The following PCDH11X variants were observed in gnomAD, a reference collection of about 807,000 sequenced individuals.
The protein encoded by PCDH11X is protocadherin-11 X-linked.
A neutral mutation model predicts 53.3 loss-of-function variants in PCDH11X; 18 were observed. That is an observed-to-expected ratio of 0.34 (90% CI 0.23 to 0.50). PCDH11X has a LOEUF of 0.50. PCDH11X is among the 20% of genes least tolerant of loss of function. The pLI, the probability that PCDH11X is intolerant of heterozygous loss-of-function variation, is 0.98. For missense variants in PCDH11X, 570 were observed against 1,032.4 expected (o/e 0.55, Z 6.14); for synonymous variants, 279 against 393.3 (o/e 0.71, Z 3.44).
chrX:92,149,432 T>A (rs5984154), intron 6 of PCDH11X, among the ~76,000 whole-genome samples: 1 of 48,593 alleles, frequency 2.1e-5, no homozygotes, highest in Non-Finnish European at 3.3e-5. Context: ...TTTCTCTCAC[T>A]CTCTCTCTCT....
chrX:91,944,426 A>G (rs1382978982), intron 6 of PCDH11X, among the ~76,000 whole-genome samples: 1 of 105,612 alleles, frequency 9.5e-6, no homozygotes, highest in East Asian at 3.0e-4. Context: ...CACAATAGGG[A>G]TATTCACACA....
At chrX:92,604,761 T>G (rs1926607000) in intron 10 of PCDH11X, among the ~76,000 whole-genome samples, 1 of 109,125 alleles carries the variant, frequency 9.2e-6, no homozygotes, top group African/African-American at 3.4e-5. Flanking sequence ...ACTATGTAAG[T>G]AAGAATCATG....
intron 7 of PCDH11X, among the ~76,000 whole-genome samples, chrX:92,232,643 A>T (rs2067096862): frequency 8.9e-6 from 1 of 112,307 alleles, no homozygotes; most frequent in South Asian, 3.7e-4. Context: ...ATAAATCTAA[A>T]GATAAAAATA....
At chrX:92,069,607 G>A (rs1442625674) in intron 6 of PCDH11X, among the ~76,000 whole-genome samples, 1 of 110,548 alleles carries the variant, frequency 9.0e-6, no homozygotes, top group African/African-American at 3.3e-5. Flanking sequence ...TTAACTTCTT[G>A]CTTTTTAGTT....
At chrX:91,981,388 A>G (rs2062135316) in intron 6 of PCDH11X, among the ~76,000 whole-genome samples, 1 of 110,438 alleles carries the variant, frequency 9.1e-6, no homozygotes, top group African/African-American at 3.3e-5. Flanking sequence ...ATATTCCACA[A>G]AGATCTATAG....
At chrX:92,428,727 G>T (rs1196183887) in intron 9 of PCDH11X, among the ~76,000 whole-genome samples, 9 of 110,833 alleles carry the variant, frequency 8.1e-5, no homozygotes, top group African/African-American at 3.0e-4. Flanking sequence ...TAGCTTCCTA[G>T]ATGATATACT....
intron 8 of PCDH11X, among the ~76,000 whole-genome samples, chrX:92,275,712 G>T (rs1279665751): frequency 9.0e-6 from 1 of 110,793 alleles, no homozygotes; most frequent in African/African-American, 3.3e-5. Context: ...GGTAAAATGG[G>T]GGAATGGTAA....
chrX:92,337,803 G>A (rs1224045744), intron 8 of PCDH11X, among the ~76,000 whole-genome samples: 1 of 111,095 alleles, frequency 9.0e-6, no homozygotes, highest in East Asian at 2.8e-4. Context: ...TATAAAAGAC[G>A]GGGATTTACT....
intron 8 of PCDH11X, among the ~76,000 whole-genome samples, chrX:92,317,997 A>G (rs1295929158): frequency 9.0e-6 from 1 of 111,131 alleles, no homozygotes; most frequent in Non-Finnish European, 1.9e-5. Flanking sequence ...TAGTAATGTA[A>G]TATCTAAAAA....
At chrX:92,124,279 G>A (rs1056201138) in intron 6 of PCDH11X, among the ~76,000 whole-genome samples, 1 of 110,872 alleles carries the variant, frequency 9.0e-6, no homozygotes. Flanking sequence ...AGGTGTGGTG[G>A]CTCACACTTG....
At chrX:91,922,160 T>G (rs62607766) in intron 6 of PCDH11X, among the ~76,000 whole-genome samples, 19,546 of 111,315 alleles carry the variant, frequency 0.18, 1,262 homozygotes, top group East Asian at 0.24. Context: ...GGTTTTAAAA[T>G]TATAACTCGG....
At chrX:92,043,833 T>C (rs2063244548) in intron 6 of PCDH11X, among the ~76,000 whole-genome samples, 1 of 111,352 alleles carries the variant, frequency 9.0e-6, no homozygotes, top group Non-Finnish European at 1.9e-5. Flanking sequence ...TTCTTGAAGT[T>C]TAAAATAGCA....
chrX:91,928,895 G>T (rs981520326), intron 6 of PCDH11X, among the ~76,000 whole-genome samples: 21 of 110,913 alleles, frequency 1.9e-4, no homozygotes, highest in Non-Finnish European at 3.8e-4. Context: ...TGTGAACAAA[G>T]ATCAAGTAGG....
intron 10 of PCDH11X, among the ~76,000 whole-genome samples, chrX:92,539,917 T>C (rs1205265509): frequency 1.8e-5 from 2 of 111,234 alleles, no homozygotes; most frequent in East Asian, 5.7e-4. Context: ...ACAGTGCCTC[T>C]CTCTGTGTGC....
chrX:92,452,170 C>G lies in PCDH11X; in HGVS notation c.3344-16129C>G, dbSNP rs1466673413. ...TTTATTCATGTAGAAATTCATTTAT[C>G]AAAACCAAATATTTATCAAAAGAAA... On this transcript the variant is annotated intron_variant, in intron 9 of 10. Coordinates refer to ENST00000682573, the MANE Select transcript of PCDH11X (RefSeq NM_032968.5). Among the ~76,000 whole-genome samples, 11 of 105,032 alleles carry G rather than the reference C, an allele frequency of 1.0e-4. No individual in the cohort carries two copies. In the Admixed American group the frequency reaches 1.2e-3, roughly 11 times the overall value. The allele number at this position is 105,032 out of a possible 115,157, so 91.2% of individuals were successfully genotyped here.
chrX:92,384,350 C>T (rs993355478), intron 8 of PCDH11X, among the ~76,000 whole-genome samples: 1 of 110,841 alleles, frequency 9.0e-6, no homozygotes, highest in Non-Finnish European at 1.9e-5. Flanking sequence ...ATAGATCCAA[C>T]AAGCTATTGA....
intron 6 of PCDH11X, among the ~76,000 whole-genome samples, chrX:91,890,838 G>T (rs1389290088): frequency 9.0e-6 from 1 of 111,167 alleles, no homozygotes; most frequent in Non-Finnish European, 1.9e-5. Context: ...TACCATAATT[G>T]TATACATGCA....
chrX:91,969,027 T>C (rs1215233265), intron 6 of PCDH11X, among the ~76,000 whole-genome samples: 3 of 111,169 alleles, frequency 2.7e-5, no homozygotes, highest in African/African-American at 6.5e-5. Flanking sequence ...GTGTGTTTTC[T>C]TTCCCAGCTC....
intron 8 of PCDH11X, among the ~76,000 whole-genome samples, chrX:92,273,466 G>T (rs1371227912): frequency 9.0e-6 from 1 of 111,271 alleles, no homozygotes. Context: ...GGTCCTTTCC[G>T]TGCAAGTCAC....
Sources: gnomAD v4.1 joint callset for allele counts (sites outside exome capture counted in the v4.1 genomes callset) on GRCh38, gnomAD v4.1.1 for gene constraint, MANE v1.5 for transcripts, NCBI Gene and HGNC (gene_info 2026-07-23, HGNC 2026-07-21) for gene names.